The following TMEFF2 variants were observed in gnomAD, a reference collection of about 807,000 sequenced individuals.
TMEFF2 encodes transmembrane protein with EGF like and two follistatin like domains 2.
TMEFF2 carries 28 observed loss-of-function variants against 53.8 expected under a neutral mutation model. That is an observed-to-expected ratio of 0.52 (90% CI 0.39 to 0.71). TMEFF2 has a LOEUF of 0.71. Among genes scored for constraint, TMEFF2 ranks in the 30% least tolerant of loss-of-function variants. The pLI is 0.00. For missense variants in TMEFF2, 353 were observed against 455.2 expected (o/e 0.78, Z 2.04); for synonymous variants, 162 against 166.3 (o/e 0.97, Z 0.20).
intron 4 of TMEFF2, among the ~76,000 whole-genome samples, chr2:192,061,688 T>C (rs1396637667): frequency 6.6e-6 from 1 of 152,100 alleles, no homozygotes; most frequent in Non-Finnish European, 1.5e-5. Context: ...ATCCTCAATG[T>C]TGGAGGTATG....
At chr2:192,042,904 G>A (rs1378180354) in intron 5 of TMEFF2, among the ~76,000 whole-genome samples, 1 of 152,182 alleles carries the variant, frequency 6.6e-6, no homozygotes, top group Non-Finnish European at 1.5e-5. Context: ...TACCCATATT[G>A]TTAGAAACAG....
intron 5 of TMEFF2, among the ~76,000 whole-genome samples, chr2:192,044,924 C>T (rs1158853948): frequency 6.6e-6 from 1 of 152,128 alleles, no homozygotes; most frequent in African/African-American, 2.4e-5. Flanking sequence ...TGGGCATGCA[C>T]AGCAGCACTC....
At chr2:192,182,128 A>G (rs1023200420) in intron 3 of TMEFF2, among the ~76,000 whole-genome samples, 1 of 151,926 alleles carries the variant, frequency 6.6e-6, no homozygotes, top group Admixed American at 6.6e-5. Context: ...TCTGGACAAA[A>G]AAAAATTAAG....
chr2:192,094,597 A>G (rs979732384), intron 4 of TMEFF2, among the ~76,000 whole-genome samples: 3 of 151,778 alleles, frequency 2.0e-5, no homozygotes, highest in Non-Finnish European at 4.4e-5. Context: ...CCTCGGAGAG[A>G]AAAAAAACAA....
chr2:192,133,745 C>T (rs1218401809), intron 4 of TMEFF2, among the ~76,000 whole-genome samples: 4 of 152,234 alleles, frequency 2.6e-5, no homozygotes, highest in South Asian at 2.1e-4. Flanking sequence ...TGACACCCAT[C>T]AGGCTCAGCA....
At chr2:191,969,123 GTATGTGTGTGTGTATCTA>G (rs1458231778) in intron 7 of TMEFF2, among the ~76,000 whole-genome samples, 1 of 129,500 alleles carries the variant, frequency 7.7e-6, no homozygotes, top group African/African-American at 2.9e-5. Flanking sequence ...GTATGTTTGT[GTATGTGTGTGTGTATCTA>G]TGTGTGTGTG....
chr2:192,190,184 C>T (rs561668670), intron 2 of TMEFF2, among the ~76,000 whole-genome samples: 7 of 152,118 alleles, frequency 4.6e-5, no homozygotes, highest in African/African-American at 1.7e-4. Context: ...TCGTAGCATT[C>T]ATCCCTTTAG....
At chr2:192,124,112 C>A (rs1298532676) in intron 4 of TMEFF2, among the ~76,000 whole-genome samples, 1 of 152,216 alleles carries the variant, frequency 6.6e-6, no homozygotes, top group Non-Finnish European at 1.5e-5. Context: ...CTAACTGAAG[C>A]AGTCTGAGTC....
intron 4 of TMEFF2, among the ~76,000 whole-genome samples, chr2:192,072,204 T>C (rs1485902816): frequency 1.3e-5 from 2 of 151,914 alleles, no homozygotes; most frequent in Non-Finnish European, 2.9e-5. Flanking sequence ...AACCTTACTT[T>C]TTCTATAGAG....
chr2:192,051,738 T>A (rs1687778852), intron 5 of TMEFF2, among the ~76,000 whole-genome samples: 1 of 152,158 alleles, frequency 6.6e-6, no homozygotes, highest in Non-Finnish European at 1.5e-5. Flanking sequence ...AGGTTGCCAA[T>A]AACACACAAT....
chr2:192,017,257 A>G (rs928973711), intron 5 of TMEFF2, among the ~76,000 whole-genome samples: 4 of 152,292 alleles, frequency 2.6e-5, no homozygotes, highest in African/African-American at 9.6e-5. Context: ...ATGACCTGCT[A>G]AGGACTTTGA....
chr2:192,057,918 CT>C (rs1272905376), intron 4 of TMEFF2, 143 bp from the exon 5 acceptor site: 5 of 638,516 alleles, frequency 7.8e-6, no homozygotes, highest in East Asian at 2.8e-5. Flanking sequence ...AAAAGCAACT[CT>C]TTTTTTTCCT....
At chr2:191,983,174 A>G (rs1685894821) in intron 7 of TMEFF2, among the ~76,000 whole-genome samples, 1 of 152,184 alleles carries the variant, frequency 6.6e-6, no homozygotes. Flanking sequence ...TAATATTACA[A>G]ATTGGATGAA....
At chr2:192,176,371 A>C (rs985927223) in intron 4 of TMEFF2, among the ~76,000 whole-genome samples, 24 of 151,406 alleles carry the variant, frequency 1.6e-4, no homozygotes, top group African/African-American at 5.6e-4. Context: ...CCTATGTTCA[A>C]AACTAATAAT....
At chr2:192,102,402 C>T (rs1170093358) in intron 4 of TMEFF2, among the ~76,000 whole-genome samples, 2 of 151,980 alleles carry the variant, frequency 1.3e-5, no homozygotes, top group East Asian at 3.9e-4. Flanking sequence ...GTATAGGGTC[C>T]CACGGGTGTG....
At chr2:192,099,295 ATT>A (rs1688982265) in intron 4 of TMEFF2, among the ~76,000 whole-genome samples, 1 of 151,996 alleles carries the variant, frequency 6.6e-6, no homozygotes, top group Non-Finnish European at 1.5e-5. Context: ...CAACAAATAT[ATT>A]TTTGTTTGTG....
chr2:191,962,874 A>G (rs1307559814), intron 7 of TMEFF2, among the ~76,000 whole-genome samples: 1 of 152,186 alleles, frequency 6.6e-6, no homozygotes, highest in Non-Finnish European at 1.5e-5. Flanking sequence ...GGCCGCTGGG[A>G]GAAGTTGTGT....
intron 5 of TMEFF2, among the ~76,000 whole-genome samples, chr2:192,004,599 A>T (rs1686453296): frequency 6.6e-6 from 1 of 152,192 alleles, no homozygotes. Context: ...TGGGCAAAAT[A>T]GTGAGACCCC....
intron 5 of TMEFF2, among the ~76,000 whole-genome samples, chr2:192,040,407 A>G (rs1687444176): frequency 6.6e-6 from 1 of 152,152 alleles, no homozygotes; most frequent in Admixed American, 6.5e-5. Context: ...TAGCTGCTTC[A>G]AATCCTTTGA....
Sources: allele counts gnomAD v4.1 joint callset (sites outside exome capture counted in the v4.1 genomes callset), GRCh38; gene constraint gnomAD v4.1.1; transcripts MANE v1.5; gene names NCBI Gene and HGNC (gene_info 2026-07-23, HGNC 2026-07-21).